The following ZFR variants were observed in gnomAD, a reference collection of about 807,000 sequenced individuals.
ZFR encodes the protein zinc finger RNA binding protein, also known as zinc finger RNA-binding protein.
A neutral mutation model predicts 130.7 loss-of-function variants in ZFR; 19 were observed. That is an observed-to-expected ratio of 0.15 (90% CI 0.10 to 0.21). The LOEUF is 0.21. ZFR is among the 10% of genes least tolerant of loss of function. The pLI, the probability that ZFR is intolerant of heterozygous loss-of-function variation, is 1.00. For missense variants in ZFR, 872 were observed against 1,321.5 expected (o/e 0.66, Z 5.27); for synonymous variants, 466 against 456.9 (o/e 1.02, Z -0.25).
chr5:32,444,738 C>G lies in ZFR; in HGVS notation c.-80G>C. The G allele has an allele frequency of 6.1e-6, 9 of 1,478,060 alleles. No individual in the cohort carries two copies. Among genetic ancestry groups the G allele is most frequent in the South Asian group, 2.6e-5 (2 of 75,664 alleles). 91.6% of individuals were successfully genotyped at this position (1,478,060 alleles called of 1,614,324 possible). On this transcript the variant is annotated 5_prime_UTR_variant, in exon 1 of 20. Coordinates refer to ENST00000265069, the MANE Select transcript of ZFR (RefSeq NM_016107.5). ...TGCCCCGCTCCTCCTCAGCGGAGAACAGACCGCCGCCTCCGACCGCACTGC... is the reference window on the plus strand; with the variant it reads ...TGCCCCGCTCCTCCTCAGCGGAGAAGAGACCGCCGCCTCCGACCGCACTGC...
chr5:32,410,094 CA>C (rs1372277597), intron 5 of ZFR, among the ~76,000 whole-genome samples: 3 of 152,110 alleles, frequency 2.0e-5, no homozygotes, highest in African/African-American at 7.2e-5. Flanking sequence ...CACTTGAGCT[CA>C]GGAGTTCAAG....
At chr5:32,431,542 A>C (rs888937936) in intron 2 of ZFR, among the ~76,000 whole-genome samples, 3 of 152,224 alleles carry the variant, frequency 2.0e-5, no homozygotes, top group Non-Finnish European at 4.4e-5. Context: ...TTCGTACCTT[A>C]GAAAACATAC....
intron 17 of ZFR, among the ~76,000 whole-genome samples, chr5:32,377,234 C>CT (rs1554071250): frequency 1.3e-5 from 2 of 148,360 alleles, no homozygotes; most frequent in Non-Finnish European, 3.0e-5. Flanking sequence ...CTCTCTCTCT[C>CT]CTCTCTCTCT....
intron 11 of ZFR, among the ~76,000 whole-genome samples, chr5:32,392,903 G>A (rs1039644213): frequency 6.6e-6 from 1 of 152,188 alleles, no homozygotes; most frequent in Non-Finnish European, 1.5e-5. Flanking sequence ...GCTGAGGCAA[G>A]AGAATCACTT....
At chr5:32,359,278 TC>T (rs1752378829) in intron 19 of ZFR, among the ~76,000 whole-genome samples, 1 of 151,804 alleles carries the variant, frequency 6.6e-6, no homozygotes, top group African/African-American at 2.4e-5. Flanking sequence ...TCATAAACTT[TC>T]TTAAAACATT....
intron 2 of ZFR, among the ~76,000 whole-genome samples, chr5:32,430,306 T>C (rs1344647132): frequency 2.0e-5 from 3 of 152,112 alleles, no homozygotes; most frequent in Admixed American, 6.6e-5. Flanking sequence ...CTAAATCATC[T>C]GACAAATTTA....
chr5:32,362,331 C>T (rs1445203863), intron 19 of ZFR, among the ~76,000 whole-genome samples: 3 of 152,020 alleles, frequency 2.0e-5, no homozygotes, highest in Non-Finnish European at 4.4e-5. Flanking sequence ...AAAAGGATCA[C>T]TGGAGAAAAG....
chr5:32,364,468 C>A, intron 17 of ZFR, 193 bp from the exon 18 acceptor site: 1 of 317,396 alleles, frequency 3.2e-6, no homozygotes, highest in Non-Finnish European at 5.9e-6. Flanking sequence ...CACAGTGGCT[C>A]ACGTCTGTAA....
chr5:32,368,555 A>G (rs993256440), intron 17 of ZFR, among the ~76,000 whole-genome samples: 3 of 152,148 alleles, frequency 2.0e-5, no homozygotes, highest in African/African-American at 7.2e-5. Flanking sequence ...TAAAAGACAC[A>G]CATTAATTAG....
intron 11 of ZFR, among the ~76,000 whole-genome samples, chr5:32,390,905 C>T (rs1387497230): frequency 6.6e-6 from 1 of 152,152 alleles, no homozygotes; most frequent in African/African-American, 2.4e-5. Context: ...CTGTTGGGGA[C>T]ACATTAAGGG....
chr5:32,428,060 A>G (rs1318931395), intron 2 of ZFR, among the ~76,000 whole-genome samples: 1 of 152,232 alleles, frequency 6.6e-6, no homozygotes, highest in Admixed American at 6.5e-5. Flanking sequence ...AAATTTGGCA[A>G]TGATTTATTG....
intron 4 of ZFR, among the ~76,000 whole-genome samples, chr5:32,415,393 G>A (rs1753796860): frequency 6.6e-6 from 1 of 151,786 alleles, no homozygotes; most frequent in South Asian, 2.1e-4. Flanking sequence ...TCTGCCAAAT[G>A]CTTTCTATGT....
intron 9 of ZFR, among the ~76,000 whole-genome samples, 184 bp from the exon 10 acceptor site, chr5:32,397,522 C>G (rs1412683509): frequency 6.6e-6 from 1 of 152,074 alleles, no homozygotes; most frequent in Non-Finnish European, 1.5e-5. Context: ...GGTTTGAACT[C>G]AGCTCACTAC....
chr5:32,379,297 C>T (rs1240263703), intron 16 of ZFR, 87 bp from the exon 17 acceptor site: 4 of 1,123,576 alleles, frequency 3.6e-6, no homozygotes, highest in Non-Finnish European at 5.4e-6. Flanking sequence ...TACCACCGTT[C>T]AATGGAAGCT....
intron 11 of ZFR, chr5:32,394,508 AATC>A (rs1753252692): frequency 6.1e-6 from 1 of 165,094 alleles, no homozygotes; most frequent in Non-Finnish European, 1.5e-5. Flanking sequence ...AGAATAGGCA[AATC>A]TATAGAGACA....
At chr5:32,398,082 T>C (rs1045246656) in intron 9 of ZFR, among the ~76,000 whole-genome samples, 1 of 147,020 alleles carries the variant, frequency 6.8e-6, no homozygotes, top group African/African-American at 2.5e-5. Context: ...GGTCTTGATC[T>C]CCTGACCTCG....
intron 11 of ZFR, among the ~76,000 whole-genome samples, chr5:32,393,802 A>G (rs896581215): frequency 5.9e-5 from 9 of 152,192 alleles, no homozygotes; most frequent in African/African-American, 2.2e-4. Context: ...TCCTTCAAAC[A>G]TTTCCATTTC....
At chr5:32,429,142 C>A (rs1333664400) in intron 2 of ZFR, among the ~76,000 whole-genome samples, 1 of 151,972 alleles carries the variant, frequency 6.6e-6, no homozygotes, top group Admixed American at 6.6e-5. Flanking sequence ...CCCGCCACCA[C>A]GCCCGGCTAA....
rs1188947133 is a variant in ZFR, at chr5:32,444,257, C to A, written c.109G>T (p.Ala37Ser). The A allele has an allele frequency of 3.2e-6, 5 of 1,571,608 alleles. No homozygotes were observed. Among genetic ancestry groups the A allele is most frequent in the Non-Finnish European group, 4.3e-6 (5 of 1,160,464 alleles). ...TATTGGGCCGCAGCCGCCGCCGCCG[C>A]CGCCCCGCTGTGGGTGAATCCAAAG... ...NYFGFTHSGAAAAAAAAQYSQ... is the reference protein window; with the variant it reads ...NYFGFTHSGASAAAAAAQYSQ... Residue 37 changes from alanine to serine, a missense_variant, in exon 2 of 20, where the codon GCG becomes TCG. Ala to Ser is a moderately conservative substitution (Grantham distance 99, BLOSUM62 1). Transcript: ENST00000265069.
Sources: allele counts gnomAD v4.1 joint callset (sites outside exome capture counted in the v4.1 genomes callset), GRCh38; gene constraint gnomAD v4.1.1; transcripts MANE v1.5; gene names NCBI Gene and HGNC (gene_info 2026-07-23, HGNC 2026-07-21).